The following FRMD3 variants were observed in gnomAD, a reference collection of about 807,000 sequenced individuals.
FRMD3 encodes the protein FERM domain-containing protein 3.
Under a neutral mutation model 70.2 loss-of-function variants are expected in FRMD3, and 33 were observed. The ratio of observed to expected loss-of-function variants is 0.47; its 90% CI spans 0.36 to 0.63. The LOEUF (loss-of-function observed/expected upper bound fraction) is 0.63. Among genes scored for constraint, FRMD3 ranks in the 20% least tolerant of loss-of-function variants. The probability of loss-of-function intolerance (pLI) is 0.00; values close to 1 mark genes in which losing one functional copy is unlikely to be tolerated. For missense variants in FRMD3, 632 were observed against 711.4 expected (o/e 0.89, Z 1.27); for synonymous variants, 279 against 255.9 (o/e 1.09, Z -0.86).
At chr9:83,530,812 T>C (rs1448958473) in intron 1 of FRMD3, among the ~76,000 whole-genome samples, 1 of 152,138 alleles carries the variant, frequency 6.6e-6, no homozygotes, top group Non-Finnish European at 1.5e-5. Flanking sequence ...ACAGTAGGTA[T>C]TGTGGGTTAT....
chr9:83,265,321 AC>A lies in FRMD3; in HGVS notation c.1196-16806del, dbSNP rs1197205611. Among the ~76,000 whole-genome samples, 4 of 150,146 alleles carry A rather than the reference AC, an allele frequency of 2.7e-5. No individual in the cohort carries two copies. In the East Asian group the frequency reaches 7.9e-4, roughly 30 times the overall value. ...AGGCTGAGGCAGGAGAATGGTGTGA[AC>A]CCGGGAGGTGGAGCTTGCAGTGAGC... On this transcript the variant is annotated intron_variant, in intron 13 of 13. Coordinates refer to ENST00000304195, the MANE Select transcript of FRMD3 (RefSeq NM_174938.6).
intron 1 of FRMD3, among the ~76,000 whole-genome samples, chr9:83,478,079 C>G (rs529899649): frequency 6.6e-6 from 1 of 152,250 alleles, no homozygotes; most frequent in South Asian, 2.1e-4. Flanking sequence ...TGTCTCTCAC[C>G]CCAAAAACTA....
intron 1 of FRMD3, among the ~76,000 whole-genome samples, chr9:83,502,281 G>T (rs1420454409): frequency 1.3e-5 from 2 of 152,126 alleles, no homozygotes; most frequent in Admixed American, 6.5e-5. Flanking sequence ...AACAGAGAAG[G>T]TTCCTGCCTT....
At chr9:83,507,687 C>CACATATATATATAT (rs1374507996) in intron 1 of FRMD3, among the ~76,000 whole-genome samples, 1 of 46,898 alleles carries the variant, frequency 2.1e-5, no homozygotes, top group African/African-American at 5.8e-5. Context: ...AAAAAATATA[C>CACATATATATATAT]ATACATATAT....
intron 1 of FRMD3, among the ~76,000 whole-genome samples, chr9:83,536,929 C>CAAAAAAAAAAAAAAAAA (rs1829904095): frequency 4.3e-5 from 2 of 46,280 alleles, no homozygotes; most frequent in South Asian, 8.1e-4. Context: ...CTGTATTACA[C>CAAAAAAAAAAAAAAAAA]TAAAAAAAAA....
intron 1 of FRMD3, among the ~76,000 whole-genome samples, chr9:83,446,276 G>A (rs1018858307): frequency 2.6e-5 from 4 of 152,158 alleles, no homozygotes; most frequent in Non-Finnish European, 4.4e-5. Context: ...AGAGCCCAGC[G>A]GCCTTCATAC....
chr9:83,507,223 TG>T (rs1829203079), intron 1 of FRMD3, among the ~76,000 whole-genome samples: 1 of 151,578 alleles, frequency 6.6e-6, no homozygotes, highest in South Asian at 2.1e-4. Context: ...AAAAATTAGC[TG>T]GGTGTGGTGG....
intron 3 of FRMD3, among the ~76,000 whole-genome samples, chr9:83,372,299 G>A (rs894684793): frequency 2.0e-5 from 3 of 151,736 alleles, no homozygotes; most frequent in Admixed American, 2.0e-4. Context: ...GGATGACCAG[G>A]GGGTGCTAGA....
At chr9:83,572,148 GGT>G in the FRMD3 span, among the ~76,000 whole-genome samples, 32,102 of 148,604 alleles carry the variant, frequency 0.22, 4,308 homozygotes, top group African/African-American at 0.39. Context: ...AGTTTTTTGA[GGT>G]GTGTGTGTGT....
intron 1 of FRMD3, among the ~76,000 whole-genome samples, chr9:83,512,601 T>C (rs911729990): frequency 2.6e-5 from 4 of 152,162 alleles, no homozygotes; most frequent in Admixed American, 6.5e-5. Context: ...CATATACCCC[T>C]AGCCCACTTG....
intron 1 of FRMD3, among the ~76,000 whole-genome samples, chr9:83,437,961 T>A (rs1349371974): frequency 6.6e-6 from 1 of 152,106 alleles, no homozygotes; most frequent in African/African-American, 2.4e-5. Context: ...GAAGGGGGCA[T>A]GTGAGGGCAC....
intron 1 of FRMD3, among the ~76,000 whole-genome samples, chr9:83,475,022 C>T (rs2131465641): frequency 6.6e-6 from 1 of 152,144 alleles, no homozygotes; most frequent in East Asian, 1.9e-4. Flanking sequence ...TAACTGCCTA[C>T]CAGAAGCTCA....
chr9:83,331,035 T>C (rs994148689), intron 6 of FRMD3, among the ~76,000 whole-genome samples: 5 of 152,190 alleles, frequency 3.3e-5, no homozygotes, highest in African/African-American at 1.2e-4. Flanking sequence ...CTTTGGAAAA[T>C]AGTGTGGTGG....
the FRMD3 span, among the ~76,000 whole-genome samples, chr9:83,565,825 G>A: frequency 3.3e-5 from 5 of 152,326 alleles, no homozygotes; most frequent in East Asian, 7.7e-4. Flanking sequence ...CAGGCCAGTG[G>A]AGAAATTTGA....
intron 5 of FRMD3, among the ~76,000 whole-genome samples, chr9:83,339,362 G>C (rs781187216): frequency 6.6e-6 from 1 of 152,076 alleles, no homozygotes; most frequent in Non-Finnish European, 1.5e-5. Flanking sequence ...AGCCGCCATG[G>C]TTCTCCCTCC....
intron 1 of FRMD3, among the ~76,000 whole-genome samples, chr9:83,497,668 A>G (rs1363556234): frequency 6.6e-6 from 1 of 152,160 alleles, no homozygotes; most frequent in African/African-American, 2.4e-5. Context: ...GGATCTAAAC[A>G]TTTATGAGCT....
chr9:83,417,403 T>G (rs929586896), intron 1 of FRMD3, among the ~76,000 whole-genome samples: 2 of 152,236 alleles, frequency 1.3e-5, no homozygotes, highest in Non-Finnish European at 2.9e-5. Context: ...TTTGTTTATT[T>G]GCTTGTTTGT....
At chr9:83,424,638 C>A (rs1826750139) in intron 1 of FRMD3, among the ~76,000 whole-genome samples, 1 of 152,144 alleles carries the variant, frequency 6.6e-6, no homozygotes, top group Non-Finnish European at 1.5e-5. Context: ...AATTGCATCA[C>A]AATAGAAAAA....
At chr9:83,484,951 T>G (rs1483589524) in intron 1 of FRMD3, among the ~76,000 whole-genome samples, 1 of 152,254 alleles carries the variant, frequency 6.6e-6, no homozygotes, top group Non-Finnish European at 1.5e-5. Flanking sequence ...AGTCCACTTC[T>G]GTGGATATTA....
Sources: allele counts gnomAD v4.1 joint callset (sites outside exome capture counted in the v4.1 genomes callset), GRCh38; gene constraint gnomAD v4.1.1; transcripts MANE v1.5; gene names NCBI Gene and HGNC (gene_info 2026-07-23, HGNC 2026-07-21).